RARB: variants seen among roughly 807,000 people sequenced by gnomAD.
The protein encoded by RARB is retinoic acid receptor beta, also known as HBV-activated protein.
RARB carries 17 observed loss-of-function variants against 51.9 expected under a neutral mutation model. That is an observed-to-expected ratio of 0.33 (90% confidence interval 0.22 to 0.49). The LOEUF (loss-of-function observed/expected upper bound fraction) is 0.49, where lower values mean the gene tolerates loss of function less well. Among genes scored for constraint, RARB ranks in the 20% least tolerant of loss-of-function variants. The pLI, the probability that RARB is intolerant of heterozygous loss-of-function variation, is 0.99. For missense variants in RARB, 369 were observed against 550.8 expected (o/e 0.67, Z 3.30); for synonymous variants, 215 against 195.4 (o/e 1.10, Z -0.84).
At chr3:25,189,820 G>C (rs1186652342) in intron 5 of RARB, among the ~76,000 whole-genome samples, 5 of 152,132 alleles carry the variant, frequency 3.3e-5, no homozygotes, top group African/African-American at 1.2e-4. Context: ...GGGAAGTAGA[G>C]TTTGCAGTGA....
chr3:25,009,121 T>A (rs540189227), intron 2 of RARB, among the ~76,000 whole-genome samples: 1 of 152,246 alleles, frequency 6.6e-6, no homozygotes, highest in African/African-American at 2.4e-5. Context: ...AGATTTAGGC[T>A]TTGTCACAAT....
At chr3:25,319,348 ATTTCATTCCCTGGAAAGATAACTAG>A (rs1421902800) in intron 5 of RARB, among the ~76,000 whole-genome samples, 1 of 152,158 alleles carries the variant, frequency 6.6e-6, no homozygotes, top group East Asian at 1.9e-4. Context: ...AATAGCATCC[ATTTCATTCCCTGGAAAGATAACTAG>A]TTTCCCTTCT....
At chr3:25,173,178 T>C (rs1294930076) in intron 4 of RARB, among the ~76,000 whole-genome samples, 1 of 152,252 alleles carries the variant, frequency 6.6e-6, no homozygotes, top group African/African-American at 2.4e-5. Context: ...AAGCTTCTTC[T>C]ATTCCCAGTC....
intron 5 of RARB, among the ~76,000 whole-genome samples, chr3:25,330,839 A>AC (rs1704871265): frequency 6.6e-6 from 1 of 151,868 alleles, no homozygotes; most frequent in Admixed American, 6.6e-5. Context: ...CAAATGGAAA[A>AC]TAAAAAAACA....
At chr3:25,579,736 T>C (rs1701089086) in intron 4 of RARB, among the ~76,000 whole-genome samples, 1 of 152,238 alleles carries the variant, frequency 6.6e-6, no homozygotes, top group Admixed American at 6.5e-5. Context: ...TTTCTGGCAT[T>C]CTGGATGTTG....
chr3:25,334,912 A>C (rs1240164473), intron 5 of RARB, among the ~76,000 whole-genome samples: 1 of 151,918 alleles, frequency 6.6e-6, no homozygotes, highest in Non-Finnish European at 1.5e-5. Flanking sequence ...TGTGTTGGTC[A>C]CCTTCTTTTT....
At chr3:25,072,876 T>C (rs1479236855) in intron 3 of RARB, among the ~76,000 whole-genome samples, 1 of 151,892 alleles carries the variant, frequency 6.6e-6, no homozygotes, top group Non-Finnish European at 1.5e-5. Flanking sequence ...GCCGGGCTAA[T>C]TTTTTGTATT....
intron 3 of RARB, among the ~76,000 whole-genome samples, chr3:25,109,526 T>C (rs1392542473): frequency 2.0e-5 from 3 of 152,154 alleles, no homozygotes; most frequent in African/African-American, 4.8e-5. Flanking sequence ...AAGCAAAATA[T>C]ATTTGAAAGT....
intron 5 of RARB, among the ~76,000 whole-genome samples, chr3:25,320,028 C>CTTTTTTTTTTTTTTTTT (rs113901586): frequency 7.0e-6 from 1 of 142,372 alleles, no homozygotes. Context: ...TAAGGATCAT[C>CTTTTTTTTTTTTTTTTT]TTTTTTTTTT....
chr3:25,402,092 A>G (rs1707279106), intron 5 of RARB, among the ~76,000 whole-genome samples: 1 of 152,136 alleles, frequency 6.6e-6, no homozygotes, highest in East Asian at 1.9e-4. Flanking sequence ...TTTTCAACAT[A>G]TATATTTTGA....
intron 2 of RARB, among the ~76,000 whole-genome samples, chr3:24,861,565 T>G (rs1335450352): frequency 6.7e-6 from 1 of 148,680 alleles, no homozygotes; most frequent in Non-Finnish European, 1.5e-5. Flanking sequence ...AATAATAAAC[T>G]TATCCTTGTT....
intron 3 of RARB, among the ~76,000 whole-genome samples, chr3:25,538,314 C>A (rs1699227448): frequency 6.6e-6 from 1 of 152,146 alleles, no homozygotes; most frequent in Non-Finnish European, 1.5e-5. Flanking sequence ...TATCATTAAA[C>A]CCATCTGGTT....
At chr3:25,484,804 G>A (rs1696382817) in intron 2 of RARB, among the ~76,000 whole-genome samples, 1 of 151,940 alleles carries the variant, frequency 6.6e-6, no homozygotes, top group Non-Finnish European at 1.5e-5. Flanking sequence ...GGATATTTAA[G>A]GTGTAGTTTA....
chr3:25,296,285 T>C (rs1182333272), intron 5 of RARB, among the ~76,000 whole-genome samples: 5 of 151,952 alleles, frequency 3.3e-5, no homozygotes, highest in Non-Finnish European at 5.9e-5. Context: ...CCAAAAAGGC[T>C]TTTTTTTCCC....
intron 3 of RARB, among the ~76,000 whole-genome samples, chr3:25,087,688 A>G (rs1699127817): frequency 6.6e-6 from 1 of 152,114 alleles, no homozygotes; most frequent in African/African-American, 2.4e-5. Flanking sequence ...TAGAATTGTT[A>G]TTCATTCTCT....
intron 2 of RARB, among the ~76,000 whole-genome samples, chr3:25,014,094 A>G (rs1221130178): frequency 3.3e-5 from 5 of 152,120 alleles, no homozygotes; most frequent in African/African-American, 9.7e-5. Context: ...CAGCTCAAGC[A>G]GAAATAGAAC....
At chr3:25,366,589 T>C (rs1040594394) in intron 5 of RARB, among the ~76,000 whole-genome samples, 1 of 152,154 alleles carries the variant, frequency 6.6e-6, no homozygotes, top group Non-Finnish European at 1.5e-5. Context: ...AAGGAAATAA[T>C]ATACAGGGCA....
intron 5 of RARB, among the ~76,000 whole-genome samples, chr3:25,333,738 G>A (rs1029775452): frequency 2.0e-5 from 3 of 152,264 alleles, no homozygotes; most frequent in South Asian, 2.1e-4. Context: ...GAGTGAACAG[G>A]CAACCTACAG....
chr3:25,272,296 G>T (rs1212759017), intron 5 of RARB, among the ~76,000 whole-genome samples: 1 of 152,204 alleles, frequency 6.6e-6, no homozygotes, highest in Non-Finnish European at 1.5e-5. Flanking sequence ...CGGCTGGTCA[G>T]GGCTGGTAGA....
Sources: allele counts gnomAD v4.1 joint callset (sites outside exome capture counted in the v4.1 genomes callset), GRCh38; gene constraint gnomAD v4.1.1; transcripts MANE v1.5; gene names NCBI Gene and HGNC (gene_info 2026-07-23, HGNC 2026-07-21).